ACTR3C: variants seen among roughly 807,000 people sequenced by gnomAD.
The protein encoded by ACTR3C is actin-related protein 3C.
Under a neutral mutation model 26.3 loss-of-function variants are expected in ACTR3C, and 18 were observed. The ratio of observed to expected loss-of-function variants is 0.68; its 90% CI spans 0.47 to 1.01. ACTR3C has a LOEUF of 1.01. Ranked by LOEUF, ACTR3C falls within the 50% of genes least tolerant of loss-of-function variation. The probability of loss-of-function intolerance (pLI) is 0.00; values close to 1 mark genes in which losing one functional copy is unlikely to be tolerated. For synonymous variants in ACTR3C, 55 were observed against 94.5 expected (o/e 0.58, Z 2.42); for missense variants, 184 against 250.7 (o/e 0.73, Z 1.80).
At chr7:150,193,893 G>C in the ACTR3C span, among the ~76,000 whole-genome samples, 1 of 150,158 alleles carries the variant, frequency 6.7e-6, no homozygotes, top group Non-Finnish European at 1.5e-5. Context: ...AATGTCATTA[G>C]GTAAATTGAG....
At chr7:149,907,478 T>TTCTCTTCTTTCTC in the ACTR3C span, among the ~76,000 whole-genome samples, 1 of 97,606 alleles carries the variant, frequency 1.0e-5, no homozygotes, top group Non-Finnish European at 2.1e-5. Context: ...CTCTCTTCTC[T>TTCTCTTCTTTCTC]TCTCTCTCTC....
At chr7:150,227,641 A>T in the ACTR3C span, among the ~76,000 whole-genome samples, 1 of 142,256 alleles carries the variant, frequency 7.0e-6, no homozygotes, top group Non-Finnish European at 1.5e-5. Flanking sequence ...TAGGGCCCTG[A>T]TACATTTTCA....
the ACTR3C span, among the ~76,000 whole-genome samples, chr7:150,121,531 T>G: frequency 2.0e-5 from 3 of 147,888 alleles, no homozygotes; most frequent in Non-Finnish European, 4.5e-5. Context: ...ACAAGGGGTG[T>G]GAAGGACCTC....
At chr7:149,894,598 A>G in the ACTR3C span, among the ~76,000 whole-genome samples, 1 of 152,248 alleles carries the variant, frequency 6.6e-6, no homozygotes, top group Non-Finnish European at 1.5e-5. Context: ...ACATTTCTCA[A>G]AAGAAGACAT....
the ACTR3C span, among the ~76,000 whole-genome samples, chr7:150,008,327 A>T: frequency 1.3e-5 from 2 of 152,166 alleles, no homozygotes; most frequent in Non-Finnish European, 2.9e-5. Flanking sequence ...TCCGGGCTGG[A>T]CGTGCTCTGA....
chr7:150,221,226 T>C, the ACTR3C span, among the ~76,000 whole-genome samples: 4 of 152,264 alleles, frequency 2.6e-5, no homozygotes, highest in Admixed American at 2.0e-4. Context: ...ACAGAGTACA[T>C]CCATTCCTTT....
At chr7:149,930,290 T>G in the ACTR3C span, among the ~76,000 whole-genome samples, 144 of 152,288 alleles carry the variant, frequency 9.5e-4, no homozygotes, top group Admixed American at 2.2e-3. Context: ...GAAGGGAAAA[T>G]GTGTCCTCAG....
the ACTR3C span, among the ~76,000 whole-genome samples, chr7:150,014,455 CAAAA>C: frequency 7.2e-5 from 8 of 111,678 alleles, no homozygotes; most frequent in Non-Finnish European, 9.3e-5. Context: ...GACTCCGTCT[CAAAA>C]AAAAAAAAAA....
At chr7:150,135,859 G>A in the ACTR3C span, among the ~76,000 whole-genome samples, 4 of 105,874 alleles carry the variant, frequency 3.8e-5, no homozygotes, top group African/African-American at 2.8e-4. Context: ...AGAAAGAAAA[G>A]GAAAAGGAAA....
the ACTR3C span, among the ~76,000 whole-genome samples, chr7:149,926,936 G>A: frequency 2.0e-5 from 3 of 151,970 alleles, no homozygotes; most frequent in Non-Finnish European, 2.9e-5. Flanking sequence ...GCCTTCTCTC[G>A]TGCTCACAAT....
At position 150,272,690 on chromosome 7, in the gene ACTR3C, GTT is replaced by G. The variant is rs201919346; in HGVS notation, c.564+12061_564+12062del. On this transcript the variant is annotated intron_variant, in intron 6 of 7. Coordinates refer to ENST00000683684, the MANE Select transcript of ACTR3C (RefSeq NM_001164458.2). Reference sequence around the variant, plus strand: ...AGTGTCTTTTTTGTGTGTTTTTTTGGTTTTTTTTTTTTTTTTTTGAGACAAGG... The same window carrying G: ...AGTGTCTTTTTTGTGTGTTTTTTTGGTTTTTTTTTTTTTTTTGAGACAAGG... Among the ~76,000 whole-genome samples, 37 of 113,968 alleles carry G rather than the reference GTT, an allele frequency of 3.2e-4. 4 individuals carry two copies. The highest frequency in any genetic ancestry group is 7.5e-4 in the African/African-American group (19 of 25,300). The allele number at this position is 113,968 out of a possible 152,430, so 74.8% of individuals were successfully genotyped here.
chr7:150,289,722 C>T, intron 3 of ACTR3C, 129 bp from the exon 4 acceptor site: 1 of 1,498,020 alleles, frequency 6.7e-7, no homozygotes, highest in South Asian at 1.3e-5. Context: ...TTGACAGAAT[C>T]CCCACCCTCT....
chr7:149,949,727 G>C, the ACTR3C span, among the ~76,000 whole-genome samples: 1 of 147,372 alleles, frequency 6.8e-6, no homozygotes, highest in East Asian at 1.9e-4. Flanking sequence ...GCAAAGAAAA[G>C]CCAAGATTTC....
At chr7:150,173,853 G>T in the ACTR3C span, among the ~76,000 whole-genome samples, 80 of 148,584 alleles carry the variant, frequency 5.4e-4, no homozygotes, top group African/African-American at 1.9e-3. Context: ...CTAGGGCAGG[G>T]GCAAAATGCC....
the ACTR3C span, among the ~76,000 whole-genome samples, chr7:150,105,495 C>T: frequency 2.0e-5 from 3 of 151,934 alleles, no homozygotes; most frequent in African/African-American, 7.3e-5. Context: ...TGAATAGCAC[C>T]TCAATGGCTT....
chr7:150,028,449 A>C, the ACTR3C span, among the ~76,000 whole-genome samples: 1,330 of 151,938 alleles, frequency 8.8e-3, no homozygotes, highest in African/African-American at 0.031. Flanking sequence ...GTTAATTTCC[A>C]ATCATCAGAC....
the ACTR3C span, among the ~76,000 whole-genome samples, chr7:149,955,522 G>A: frequency 6.6e-6 from 1 of 152,112 alleles, no homozygotes; most frequent in Non-Finnish European, 1.5e-5. Flanking sequence ...CTCCACCTGT[G>A]CAGTGATGGG....
the ACTR3C span, among the ~76,000 whole-genome samples, chr7:150,039,882 A>C: frequency 8.0e-6 from 1 of 125,114 alleles, no homozygotes. Context: ...GCTCGCTCTC[A>C]GTCCCCGTGT....
chr7:150,299,725 G>A (rs975486262), intron 1 of ACTR3C, among the ~76,000 whole-genome samples: 7 of 152,144 alleles, frequency 4.6e-5, no homozygotes, highest in African/African-American at 1.7e-4. Context: ...GGCAGAGGTT[G>A]CAGTGAGCTG....
Sources: allele counts gnomAD v4.1 joint callset (sites outside exome capture counted in the v4.1 genomes callset), GRCh38; gene constraint gnomAD v4.1.1; transcripts MANE v1.5; gene names NCBI Gene and HGNC (gene_info 2026-07-23, HGNC 2026-07-21).